NRXN2: variants seen among roughly 807,000 people sequenced by gnomAD.
The protein encoded by NRXN2 is neurexin-2-beta.
Under a neutral mutation model 128.8 loss-of-function variants are expected in NRXN2, and 29 were observed. The ratio of observed to expected loss-of-function variants is 0.23; its 90% confidence interval spans 0.17 to 0.31. The LOEUF is 0.31. Among genes scored for constraint, NRXN2 ranks in the 10% least tolerant of loss-of-function variants. The pLI is 1.00. For missense variants in NRXN2, 1,881 were observed against 2,452.6 expected (o/e 0.77, Z 4.92); for synonymous variants, 1,098 against 1,075.2 (o/e 1.02, Z -0.41).
At chr11:64,636,334 T>C (rs2044714850) in intron 17 of NRXN2, among the ~76,000 whole-genome samples, 1 of 136,578 alleles carries the variant, frequency 7.3e-6, no homozygotes, top group Non-Finnish European at 1.5e-5. Flanking sequence ...CCTAACGATC[T>C]CAGCCCCAAA....
intron 22 of NRXN2, among the ~76,000 whole-genome samples, chr11:64,614,933 G>T (rs563568202): frequency 6.6e-6 from 1 of 152,334 alleles, no homozygotes; most frequent in South Asian, 2.1e-4. Flanking sequence ...TCTCCCTTGG[G>T]GAGGGGTGGG....
rs763280983 is a variant in NRXN2 at position 64,611,049 on chromosome 11, TACTC to T, written c.4253-2971_4253-2968del. 2.6e-5 allele frequency among the ~76,000 whole-genome samples: 4 copies of T among 152,242 alleles called. No homozygotes were observed. In the East Asian group the frequency reaches 7.7e-4, roughly 29 times the overall value. On this transcript the variant is annotated intron_variant, in intron 22 of 22. Transcript: ENST00000265459. The stretch of plus-strand genomic sequence containing the variant: ...ATTCTGTCCTGGAGGCATGGCTTTG[TACTC>T]ACTGCCAGGGAAGGGCCAACGGCCC...
chr11:64,648,840 C>T lies in NRXN2; in HGVS notation c.3177G>A (p.Arg1059=). 4 of 1,614,164 alleles carry T rather than the reference C, an allele frequency of 2.5e-6. No homozygotes were observed. The highest frequency in any genetic ancestry group is 3.4e-6 in the Non-Finnish European group (4 of 1,180,018). The change falls in exon 16 of 23, where the codon CGG becomes CGA. Residue 1059 remains arginine (R), a synonymous_variant. Coordinates refer to ENST00000265459, the MANE Select transcript of NRXN2 (RefSeq NM_015080.4). The surrounding 1 kb of genome is among the most constrained non-coding windows in gnomAD (Gnocchi z 4.1). ...FSNLPKLVAS[R]DGFQGCLASV... ...AGGCCAGGCAGCCCTGAAAGCCATC[C>T]CGGGAGGCCACCAGCTTGGGCAGGT...
rs373434797 is a variant in NRXN2 at position 64,697,880 on chromosome 11, AAGGGGAGAGAGG to A, written c.731-100_731-89del. On this transcript the variant is annotated intron_variant, in intron 2 of 22. Coordinates refer to ENST00000265459, the MANE Select transcript of NRXN2 (RefSeq NM_015080.4). ...CAAAGGTACCACGGACAGGGGCTCC[AAGGGGAGAGAGG>A]AGTCCAAGCCCACCCAGGCCCTGAC... 1.0e-3 allele frequency: 1,587 copies of A among 1,519,676 alleles called. 14 individuals are homozygous for A. The African/African-American group carries it at 0.02, about 19-fold the overall frequency. The allele number at this position is 1,519,676 out of a possible 1,614,324, so 94.1% of individuals were successfully genotyped here.
In NRXN2 at chr11:64,660,612, A is replaced by ACAAGGGCGAAAAGC; in HGVS notation, c.2186-91_2186-78dup. The ACAAGGGCGAAAAGC allele has an allele frequency of 1.3e-6, 2 of 1,592,922 alleles. No homozygotes were observed. Among genetic ancestry groups the ACAAGGGCGAAAAGC allele is most frequent in the Middle Eastern group, 1.7e-4 (1 of 5,964 alleles). On this transcript the variant is annotated intron_variant, in intron 10 of 22. Transcript: ENST00000265459. The surrounding 1 kb of genome is among the most constrained non-coding windows in gnomAD (Gnocchi z 5.2). ...GGAGGGAGAAGACCAGAGAATCATT[A>ACAAGGGCGAAAAGC]CAAGGGCGAAAAGCCTAGGGCAGGT...
chr11:64,653,863 C>T, intron 11 of NRXN2, 141 bp from the exon 12 acceptor site: 1 of 639,866 alleles, frequency 1.6e-6, no homozygotes, highest in South Asian at 1.9e-5. Context: ...CCACGCGTGC[C>T]CAGGTGCCCT....
Position 64,631,432 on chromosome 11 carries a change from A to G in NRXN2, c.3586-859T>C, listed in dbSNP as rs931861576. ...CACTCTGCAGAGGCAACCCAGGATC[A>G]GCCCAGGAAGAGTTCTGCTTGTGGT... On this transcript the variant is annotated intron_variant, in intron 18 of 22. Transcript: ENST00000265459. This position sits in a 1 kb window ranked among gnomAD's most constrained non-coding sequence, Gnocchi z 4.8. Among the ~76,000 whole-genome samples the G allele has an allele frequency of 1.3e-5, 2 of 152,078 alleles. No homozygotes were observed. Among genetic ancestry groups the G allele is most frequent in the Non-Finnish European group, 2.9e-5 (2 of 68,008 alleles).
At chr11:64,657,854 CAT>C (rs777169298) in intron 11 of NRXN2, among the ~76,000 whole-genome samples, 2 of 152,204 alleles carry the variant, frequency 1.3e-5, no homozygotes, top group Non-Finnish European at 1.5e-5. Context: ...TCAGCACACA[CAT>C]GTCTACAGAT....
chr11:64,715,954 C>A (rs1327412569), intron 1 of NRXN2, among the ~76,000 whole-genome samples: 1 of 152,222 alleles, frequency 6.6e-6, no homozygotes, highest in African/African-American at 2.4e-5. Context: ...CATCCCCAGC[C>A]CAGGGCAGGG....
chr11:64,645,685 C>A (rs1305272770), intron 17 of NRXN2, among the ~76,000 whole-genome samples: 2 of 152,148 alleles, frequency 1.3e-5, no homozygotes, highest in African/African-American at 2.4e-5. Context: ...CCCTCCACCC[C>A]CAGGAGTAGT....
At position 64,648,529 on chromosome 11, in the gene NRXN2, A is replaced by T. The variant is rs1173040528; in HGVS notation, c.3284-191T>A. Among the ~76,000 whole-genome samples the T allele has an allele frequency of 6.6e-6, 1 of 152,196 alleles. No homozygotes were observed. The highest frequency in any genetic ancestry group is 1.5e-5 in the Non-Finnish European group (1 of 68,014). ...CTAGGCTTGGCCTTGGACTGTGACAAGGGGCCAGGGTGTGAGACAACAGGG... is the reference window on the plus strand; with the variant it reads ...CTAGGCTTGGCCTTGGACTGTGACATGGGGCCAGGGTGTGAGACAACAGGG... On this transcript the variant is annotated intron_variant, in intron 16 of 22. Transcript: ENST00000265459. This position sits in a 1 kb window ranked among gnomAD's most constrained non-coding sequence, Gnocchi z 4.1.
chr11:64,653,745 A>G, intron 11 of NRXN2, 23 bp from the exon 12 acceptor site: 1 of 1,557,886 alleles, frequency 6.4e-7, no homozygotes, highest in Non-Finnish European at 8.7e-7. Flanking sequence ...TGGGGCGGGC[A>G]GAGGGGAAGG....
rs1380572101 is a variant in NRXN2 at position 64,607,208 on chromosome 11, C to T, written c.5127G>A (p.Glu1709=). ...PSKAKKNKDK[E]YYV Reference sequence around the variant, plus strand: ...CAGTGCCGGGGGCTCAGACATAATACTCCTTGTCTTTGTTCTTCTTGGCCT... The same window carrying T: ...CAGTGCCGGGGGCTCAGACATAATATTCCTTGTCTTTGTTCTTCTTGGCCT... Residue 1709 remains glutamate, a synonymous_variant, in exon 23 of 23, where the codon GAG becomes GAA. Transcript: ENST00000265459. The T allele has an allele frequency of 6.2e-7, 1 of 1,613,592 alleles. No individual in the cohort carries two copies.
chr11:64,628,863 G>A (rs2043455641), intron 19 of NRXN2, among the ~76,000 whole-genome samples: 1 of 152,096 alleles, frequency 6.6e-6, no homozygotes, highest in South Asian at 2.1e-4. Context: ...ATGTACCCAG[G>A]GACTTGATGT....
intron 5 of NRXN2, 123 bp downstream of exon 5, chr11:64,690,282 T>G: frequency 1.1e-6 from 1 of 871,588 alleles, no homozygotes; most frequent in Non-Finnish European, 1.9e-6. Context: ...ACCCATCACT[T>G]CCCACAGGCC....
intron 22 of NRXN2, among the ~76,000 whole-genome samples, chr11:64,612,387 C>T (rs1235867779): frequency 2.6e-5 from 4 of 152,184 alleles, no homozygotes; most frequent in African/African-American, 4.8e-5. Flanking sequence ...AGCCTCCCGC[C>T]TCTCCCCAAC....
intron 7 of NRXN2, among the ~76,000 whole-genome samples, chr11:64,673,670 T>C (rs1565374439): frequency 6.9e-6 from 1 of 145,214 alleles, no homozygotes; most frequent in Non-Finnish European, 1.5e-5. Flanking sequence ...CAGTATTGTT[T>C]ACTTTTTTTT....
At position 64,713,840 on chromosome 11, in the gene NRXN2, C is replaced by G; in HGVS notation, c.-141G>C. ...AGGCTCACAGTGCCATGGGCCCGGCCGCGGGGCGAGGCGCGCAGAGGCCCA... is the reference window on the plus strand; with the variant it reads ...AGGCTCACAGTGCCATGGGCCCGGCGGCGGGGCGAGGCGCGCAGAGGCCCA... On this transcript the variant is annotated 5_prime_UTR_variant, in exon 2 of 23. Transcript: ENST00000265459. The G allele has an allele frequency of 2.5e-6, 1 of 403,444 alleles. No homozygotes were observed. Among genetic ancestry groups the G allele is most frequent in the Non-Finnish European group, 3.4e-6 (1 of 294,576 alleles). 25.0% of individuals were successfully genotyped at this position (403,444 alleles called of 1,614,324 possible).
At chr11:64,644,326 C>T (rs2046314379) in intron 17 of NRXN2, among the ~76,000 whole-genome samples, 1 of 152,082 alleles carries the variant, frequency 6.6e-6, no homozygotes, top group Non-Finnish European at 1.5e-5. Flanking sequence ...AAGCTGCTCC[C>T]CCAGCCCCCT....
Sources: allele counts gnomAD v4.1 joint callset (sites outside exome capture counted in the v4.1 genomes callset), GRCh38; gene constraint gnomAD v4.1.1; non-coding constraint Gnocchi (gnomAD v3.1); transcripts MANE v1.5; gene names NCBI Gene and HGNC (gene_info 2026-07-23, HGNC 2026-07-21).